The following CHDH variants were observed in gnomAD, a reference collection of about 807,000 sequenced individuals.
CHDH encodes the protein choline dehydrogenase, mitochondrial.
Under a neutral mutation model 56.9 loss-of-function variants are expected in CHDH, and 43 were observed. The observed-to-expected ratio is 0.76, with a 90% CI of 0.59 to 0.97. The LOEUF (loss-of-function observed/expected upper bound fraction) is 0.97. Among genes scored for constraint, CHDH ranks in the 50% least tolerant of loss-of-function variants. The probability of loss-of-function intolerance (pLI) is 0.00; values close to 1 mark genes in which losing one functional copy is unlikely to be tolerated. For missense variants in CHDH, 816 were observed against 821.1 expected, an observed-to-expected ratio of 0.99 and a Z score of 0.08; for synonymous variants, 364 against 348.5, an observed-to-expected ratio of 1.04 and a Z score of -0.50.
In CHDH at chr3:53,817,526, G is replaced by A. The variant is rs1559745441; in HGVS notation, c.*251C>T. ...CTTCTGTCCCTCCAGGAGGCAGGGAGGAACATCTCAGGCTGAATGCTGGCC... is the reference window on the plus strand; with the variant it reads ...CTTCTGTCCCTCCAGGAGGCAGGGAAGAACATCTCAGGCTGAATGCTGGCC... On this transcript the variant is annotated 3_prime_UTR_variant, in exon 9 of 9. Coordinates refer to ENST00000315251, the MANE Select transcript of CHDH (RefSeq NM_018397.5). 2 of 509,850 alleles carry A rather than the reference G, an allele frequency of 3.9e-6. No individual in the cohort carries two copies. Among genetic ancestry groups the A allele is most frequent in the Non-Finnish European group, 3.4e-6 (1 of 291,594 alleles). 31.6% of individuals were successfully genotyped at this position (509,850 alleles called of 1,614,324 possible).
chr3:53,826,089 C>T (rs1158390185), intron 2 of CHDH, among the ~76,000 whole-genome samples: 1 of 151,906 alleles, frequency 6.6e-6, no homozygotes, highest in Non-Finnish European at 1.5e-5. Flanking sequence ...AAAGACACTC[C>T]AGATAAGCCT....
chr3:53,823,374 G>T lies in CHDH; in HGVS notation c.635C>A (p.Pro212Gln). ...FLEATQQAGY[P>Q]LTEDMNGFQQ... ...GAAGCCATTCATGTCCTCGGTGAGCGGGTAGCCGGCCTGCTGCGTGGCCTC... is the reference window on the plus strand; with the variant it reads ...GAAGCCATTCATGTCCTCGGTGAGCTGGTAGCCGGCCTGCTGCGTGGCCTC... Residue 212 changes from proline to glutamine, a missense_variant, in exon 3 of 9, where the codon CCG (proline) becomes CAG (glutamine). Pro to Gln is a moderately conservative substitution (Grantham distance 76, BLOSUM62 -1). Transcript: ENST00000315251. 6.2e-7 allele frequency: 1 copy of T among 1,605,452 alleles called. No individual in the cohort carries two copies. Among genetic ancestry groups the T allele is most frequent in the Admixed American group, 1.7e-5 (1 of 59,252 alleles).
intron 2 of CHDH, among the ~76,000 whole-genome samples, chr3:53,835,886 G>T (rs763195490): frequency 2.6e-5 from 4 of 152,144 alleles, no homozygotes; most frequent in Non-Finnish European, 5.9e-5. Flanking sequence ...AAGAGGTCGA[G>T]CCCCTGCCCC....
intron 2 of CHDH, among the ~76,000 whole-genome samples, chr3:53,831,492 A>G (rs9824744): frequency 0.25 from 38,368 of 152,260 alleles, 5,787 homozygotes; most frequent in African/African-American, 0.41. Context: ...CTGACCCAGC[A>G]CAGTCCCAGT....
intron 2 of CHDH, among the ~76,000 whole-genome samples, chr3:53,830,051 A>G (rs1698285695): frequency 6.6e-6 from 1 of 152,208 alleles, no homozygotes; most frequent in Admixed American, 6.5e-5. Context: ...CAGGACCTAT[A>G]TACTGAAAAC....
chr3:53,818,945 CAAG>C lies in CHDH; in HGVS notation c.1356_1358del (p.Tyr452_Leu453delinsTer). The C allele has an allele frequency of 6.2e-7, 1 of 1,608,754 alleles. No homozygotes were observed. Among genetic ancestry groups the C allele is most frequent in the Non-Finnish European group, 8.5e-7 (1 of 1,175,054 alleles). ...CACAGGTGGGTGAAGTACCTGTTGA[CAAG>C]TAGTTGGGCTGGATCACAGGGTGGT... On this transcript the variant is annotated stop_gained and inframe_deletion, in exon 8 of 9. Coordinates refer to ENST00000315251, the MANE Select transcript of CHDH (RefSeq NM_018397.5). LOFTEE classifies it high-confidence loss of function.
intron 2 of CHDH, among the ~76,000 whole-genome samples, chr3:53,832,244 G>A (rs1248610017): frequency 6.6e-6 from 1 of 152,168 alleles, no homozygotes; most frequent in Non-Finnish European, 1.5e-5. Context: ...ATCAACAGGT[G>A]AGTAGGGCCG....
intron 2 of CHDH, among the ~76,000 whole-genome samples, chr3:53,829,794 T>G (rs1271638864): frequency 6.6e-6 from 1 of 152,142 alleles, no homozygotes; most frequent in East Asian, 1.9e-4. Context: ...CCAGGAACAC[T>G]CACCTCTTCC....
At chr3:53,823,095 G>A (rs889883594) in intron 3 of CHDH, among the ~76,000 whole-genome samples, 1 of 152,088 alleles carries the variant, frequency 6.6e-6, no homozygotes, top group Admixed American at 6.5e-5. Context: ...TGCAGAGAAC[G>A]CCCAGGGTCA....
chr3:53,822,389 G>A (rs527550538), intron 4 of CHDH, 102 bp downstream of exon 4: 138 of 1,111,042 alleles, frequency 1.2e-4, no homozygotes, highest in Non-Finnish European at 1.6e-4. Flanking sequence ...GGATGAGCAC[G>A]TGGGTCTGGG....
At position 53,823,962 on chromosome 3, in the gene CHDH, C is replaced by T. The variant is rs200094235; in HGVS notation, c.47G>A (p.Arg16Gln). ...GGATTGCTGCTGCCCCAGGGCTCCC[C>T]GTGCCAGGGCTCCAGGCCGGCCCAG... is the stretch of plus-strand genomic sequence containing the variant. Reference protein sequence around the residue: ...RGLGRPGALARGALGQQQSLG... With the variant: ...RGLGRPGALAQGALGQQQSLG... The change falls in exon 3 of 9, where the codon CGG becomes CAG. Residue 16 changes from arginine to glutamine, a missense_variant. Physicochemically the swap from Arg to Gln is conservative, Grantham distance 43. Transcript: ENST00000315251. 5,390 of 1,514,434 alleles carry T rather than the reference C, an allele frequency of 3.6e-3. 12 individuals carry two copies. The highest frequency in any genetic ancestry group is 4.5e-3 in the Non-Finnish European group (5,138 of 1,137,968). 93.8% of individuals were successfully genotyped at this position (1,514,434 alleles called of 1,614,324 possible).
At chr3:53,820,637 T>C in intron 5 of CHDH, 29 bp from the exon 6 acceptor site, 1 of 1,598,658 alleles carries the variant, frequency 6.3e-7, no homozygotes, top group Middle Eastern at 1.7e-4. Flanking sequence ...GTTTAGAAAA[T>C]GGCTACCAAG....
chr3:53,820,440 A>G (rs1264536741), intron 6 of CHDH, 34 bp downstream of exon 6: 2 of 1,589,022 alleles, frequency 1.3e-6, no homozygotes, highest in East Asian at 4.5e-5. Context: ...GCTTATAGGC[A>G]GTCTCCTCCC....
In CHDH at chr3:53,823,761, C is replaced by T. The variant is rs532335486; in HGVS notation, c.248G>A (p.Arg83Gln). ...GPKDVLAGSK[R>Q]LSWKIHMPAA... is the part of the protein sequence containing the mutation. ...GGGCATGTGGATCTTCCACGAGAGC[C>T]GCTTGCTCCCCGCGAGCACGTCCTT... is the stretch of plus-strand genomic sequence containing the variant. The change falls in exon 3 of 9, where the codon CGG becomes CAG. Residue 83 changes from arginine to glutamine, a missense_variant. By Grantham distance (43) the Arg-to-Gln change is conservative (BLOSUM62 1). Transcript: ENST00000315251. The T allele has an allele frequency of 7.7e-6, 12 of 1,560,858 alleles. No individual in the cohort carries two copies. Among genetic ancestry groups the T allele is most frequent in the South Asian group, 1.2e-5 (1 of 85,124 alleles).
Position 53,819,437 on chromosome 3 carries a change from GCA to G in CHDH, c.1263+93_1263+94del. 1 of 1,489,228 alleles carries G rather than the reference GCA, an allele frequency of 6.7e-7. No individual in the cohort carries two copies. Among genetic ancestry groups the G allele is most frequent in the Non-Finnish European group, 9.1e-7 (1 of 1,101,980 alleles). The allele number at this position is 1,489,228 out of a possible 1,614,324, so 92.3% of individuals were successfully genotyped here. A position where few individuals can be genotyped will look rare whatever the true frequency, so the allele number is the denominator to read the frequency against. On this transcript the variant is annotated intron_variant, in intron 7 of 8. Coordinates refer to ENST00000315251, the MANE Select transcript of CHDH (RefSeq NM_018397.5). This position sits in a 1 kb window ranked among gnomAD's most constrained non-coding sequence, Gnocchi z 5.4. ...GTGTCCCCCACTCTGCAGCCATATG[GCA>G]CCAGGGAGAATGCTGCCTTGGAAGA...
At chr3:53,825,384 T>C (rs530607928) in intron 2 of CHDH, among the ~76,000 whole-genome samples, 1 of 151,852 alleles carries the variant, frequency 6.6e-6, no homozygotes, top group South Asian at 2.1e-4. Context: ...AAAGATATAG[T>C]TGAAAAGGTG....
intron 2 of CHDH, among the ~76,000 whole-genome samples, chr3:53,831,443 A>G (rs1474072025): frequency 6.6e-6 from 1 of 152,258 alleles, no homozygotes; most frequent in East Asian, 1.9e-4. Flanking sequence ...TGGTTACAGC[A>G]GGCCTTGGGC....
At position 53,823,777 on chromosome 3, in the gene CHDH, G is replaced by C. The variant is rs200569248; in HGVS notation, c.232C>G (p.Leu78Val). 1 of 1,569,790 alleles carries C rather than the reference G, an allele frequency of 6.4e-7. No homozygotes were observed. Among genetic ancestry groups the C allele is most frequent in the Admixed American group, 1.8e-5 (1 of 54,338 alleles). The change falls in exon 3 of 9, where the codon CTC (leucine) becomes GTC (valine). Residue 78 changes from leucine to valine, a missense_variant. Transcript: ENST00000315251. Reference sequence around the variant, plus strand: ...CACGAGAGCCGCTTGCTCCCCGCGAGCACGTCCTTGGGCCCGGCCTCCAGC... The same window carrying C: ...CACGAGAGCCGCTTGCTCCCCGCGACCACGTCCTTGGGCCCGGCCTCCAGC... ...LLLEAGPKDV[L>V]AGSKRLSWKI...
chr3:53,843,185 C>G (rs776104434), intron 1 of CHDH, among the ~76,000 whole-genome samples: 7 of 41,394 alleles, frequency 1.7e-4, no homozygotes, highest in East Asian at 7.1e-4. Flanking sequence ...TTTCCCCCCC[C>G]ACCTTTTTTT....
Sources: allele counts gnomAD v4.1 joint callset (sites outside exome capture counted in the v4.1 genomes callset), GRCh38; gene constraint gnomAD v4.1.1; non-coding constraint Gnocchi (gnomAD v3.1); transcripts MANE v1.5; gene names NCBI Gene and HGNC (gene_info 2026-07-23, HGNC 2026-07-21).